Variants in DOCK3 observed in about 807,000 individuals in gnomAD.
DOCK3 encodes the protein dedicator of cytokinesis 3.
A neutral mutation model predicts 265.6 loss-of-function variants in DOCK3; 60 were observed. The observed-to-expected ratio is 0.23, with a 90% CI of 0.18 to 0.28. The LOEUF (loss-of-function observed/expected upper bound fraction) is 0.28. DOCK3 is among the 10% of genes least tolerant of loss of function. The pLI is 1.00. For synonymous variants in DOCK3, 881 were observed against 938.0 expected (o/e 0.94, Z 1.11); for missense variants, 1,981 against 2,594.3 (o/e 0.76, Z 5.14).
intron 9 of DOCK3, among the ~76,000 whole-genome samples, chr3:51,094,317 T>A (rs1437234774): frequency 6.6e-6 from 1 of 152,208 alleles, no homozygotes; most frequent in Non-Finnish European, 1.5e-5. Context: ...TTTTGGTTGG[T>A]AGGCTACTAA....
At chr3:51,212,857 C>T (rs896919504) in intron 13 of DOCK3, among the ~76,000 whole-genome samples, 1 of 152,012 alleles carries the variant, frequency 6.6e-6, no homozygotes, top group South Asian at 2.1e-4. Flanking sequence ...CTTGAGATAC[C>T]ATGTTTGTAA....
Position 51,362,634 on chromosome 3 carries a change from ACC to A in DOCK3, c.5254_5255del (p.Pro1752IlefsTer20). ...SSSLSSTHSA[P>X]SQMITSAPSS... is the part of the protein sequence containing the mutation. ...CCAGCCTGAGTTCCACTCACTCAGC[ACC>A]ATCCCAGATGATTACCTCTGCCCCT... On this transcript the variant is annotated frameshift_variant, in exon 49 of 53. Transcript: ENST00000266037. LOFTEE classifies it high-confidence loss of function. 1 of 1,613,874 alleles carries A rather than the reference ACC, an allele frequency of 6.2e-7. No homozygotes were observed. The highest frequency in any genetic ancestry group is 8.5e-7 in the Non-Finnish European group (1 of 1,179,852).
In DOCK3 at chr3:50,906,323, G is replaced by A. The variant is rs568413842; in HGVS notation, c.218+16242G>A. ...CTGTCTTTTTCTATTGATTGGAATA[G>A]TTTTAGAAGGAATGCTACCAGCTCC... is the stretch of plus-strand genomic sequence containing the variant. On this transcript the variant is annotated intron_variant, in intron 4 of 52. Transcript: ENST00000266037. Among the ~76,000 whole-genome samples, 8 of 152,150 alleles carry A rather than the reference G, an allele frequency of 5.3e-5. No homozygotes were observed. The South Asian group carries it at 1.5e-3, about 28-fold the overall frequency.
At chr3:51,197,188 G>A (rs1384095339) in intron 12 of DOCK3, among the ~76,000 whole-genome samples, 2 of 152,226 alleles carry the variant, frequency 1.3e-5, no homozygotes, top group African/African-American at 4.8e-5. Context: ...AGTTAAGGCT[G>A]TGGGGAAGTT....
intron 10 of DOCK3, among the ~76,000 whole-genome samples, chr3:51,149,245 A>G (rs554565578): frequency 2.0e-5 from 3 of 152,292 alleles, no homozygotes; most frequent in Non-Finnish European, 4.4e-5. Flanking sequence ...TTGGGCTGAG[A>G]TAATGGGGTT....
intron 12 of DOCK3, among the ~76,000 whole-genome samples, chr3:51,202,578 C>A (rs886273670): frequency 1.3e-5 from 2 of 152,120 alleles, no homozygotes; most frequent in African/African-American, 4.8e-5. Context: ...CAGCCGAATT[C>A]TACCAGAGGT....
intron 9 of DOCK3, among the ~76,000 whole-genome samples, chr3:51,092,836 A>G (rs927433289): frequency 6.6e-6 from 1 of 152,066 alleles, no homozygotes; most frequent in African/African-American, 2.4e-5. Flanking sequence ...AATTTAATCC[A>G]TCTTGAGTTA....
intron 12 of DOCK3, among the ~76,000 whole-genome samples, chr3:51,170,808 T>C (rs144421244): frequency 2.0e-5 from 3 of 152,154 alleles, no homozygotes; most frequent in African/African-American, 7.2e-5. Context: ...CTGGGTATGG[T>C]AGCACACACC....
chr3:51,358,159 A>G, intron 46 of DOCK3, 82 bp downstream of exon 46: 1 of 1,434,740 alleles, frequency 7.0e-7, no homozygotes, highest in South Asian at 1.2e-5. Flanking sequence ...CCAAAGGAAA[A>G]TAGGAGAGAG....
At chr3:51,010,559 T>C (rs1195812576) in intron 5 of DOCK3, among the ~76,000 whole-genome samples, 4 of 152,196 alleles carry the variant, frequency 2.6e-5, no homozygotes, top group Admixed American at 2.6e-4. Flanking sequence ...CTGTTGGGTC[T>C]TGACTCTTTA....
At chr3:51,239,533 C>G (rs2078503634) in intron 21 of DOCK3, among the ~76,000 whole-genome samples, 1 of 149,722 alleles carries the variant, frequency 6.7e-6, no homozygotes, top group South Asian at 2.1e-4. Context: ...TACAATTTGG[C>G]TGTGAATCTG....
intron 2 of DOCK3, among the ~76,000 whole-genome samples, chr3:50,790,909 G>A (rs1213265194): frequency 6.6e-6 from 1 of 151,942 alleles, no homozygotes; most frequent in Non-Finnish European, 1.5e-5. Context: ...CCACATGAAT[G>A]TCTTTTTTTG....
intron 5 of DOCK3, among the ~76,000 whole-genome samples, chr3:51,023,421 T>A (rs1270688145): frequency 6.6e-6 from 1 of 152,164 alleles, no homozygotes; most frequent in Non-Finnish European, 1.5e-5. Context: ...GTCGTTGTTG[T>A]TCTTGTTGTT....
At chr3:51,032,119 CGTGTGT>C (rs1199409161) in intron 5 of DOCK3, among the ~76,000 whole-genome samples, 15 of 149,098 alleles carry the variant, frequency 1.0e-4, no homozygotes, top group African/African-American at 9.9e-5. Flanking sequence ...CCTCCCTCCT[CGTGTGT>C]GTGTGTGTGT....
chr3:50,785,669 A>C (rs989620641), intron 2 of DOCK3, among the ~76,000 whole-genome samples: 1 of 152,146 alleles, frequency 6.6e-6, no homozygotes, highest in African/African-American at 2.4e-5. Context: ...AACCCACTTC[A>C]TCATGGTGGA....
At chr3:51,339,170 C>A in intron 37 of DOCK3, 142 bp downstream of exon 37, 1 of 666,934 alleles carries the variant, frequency 1.5e-6, no homozygotes, top group Non-Finnish European at 2.4e-6. Flanking sequence ...TCACCTCACT[C>A]ATTTCCCTCA....
chr3:50,948,803 A>G (rs932525031), intron 5 of DOCK3, among the ~76,000 whole-genome samples: 24 of 152,124 alleles, frequency 1.6e-4, no homozygotes, highest in African/African-American at 2.4e-5. Flanking sequence ...TAAAATGTGT[A>G]TGGAAAAAGT....
chr3:50,814,694 C>T (rs1436066266), intron 2 of DOCK3, among the ~76,000 whole-genome samples: 2 of 152,062 alleles, frequency 1.3e-5, no homozygotes, highest in East Asian at 1.9e-4. Flanking sequence ...CTATAAAATG[C>T]CTTTTCTCTT....
chr3:51,248,744 T>C lies in DOCK3; in HGVS notation c.2184+1937T>C, dbSNP rs1440397173. Among the ~76,000 whole-genome samples, 28 of 147,362 alleles carry C rather than the reference T, an allele frequency of 1.9e-4. No homozygotes were observed. The South Asian group carries it at 6.1e-3, about 32-fold the overall frequency. On this transcript the variant is annotated intron_variant, in intron 22 of 52. Coordinates refer to ENST00000266037, the MANE Select transcript of DOCK3 (RefSeq NM_004947.5). ...CCCGGCCGCCATCCCATCTAGGAAG[T>C]GAGGAGCGCCTCTTCCCGGCCGCCA...
Sources: allele counts gnomAD v4.1 joint callset (sites outside exome capture counted in the v4.1 genomes callset), GRCh38; gene constraint gnomAD v4.1.1; transcripts MANE v1.5; gene names NCBI Gene and HGNC (gene_info 2026-07-23, HGNC 2026-07-21).